Variants in PPARGC1B observed in about 807,000 individuals in gnomAD.
PPARGC1B encodes the protein peroxisome proliferator-activated receptor gamma coactivator 1-beta.
PPARGC1B carries 34 observed loss-of-function variants against 101.6 expected under a neutral mutation model. The ratio of observed to expected loss-of-function variants is 0.33; its 90% CI spans 0.25 to 0.45. The LOEUF (loss-of-function observed/expected upper bound fraction) is 0.45. Among genes scored for constraint, PPARGC1B ranks in the 20% least tolerant of loss-of-function variants. The pLI, the probability that PPARGC1B is intolerant of heterozygous loss-of-function variation, is 1.00. For missense variants in PPARGC1B, 1,234 were observed against 1,317.6 expected (o/e 0.94, Z 0.98); for synonymous variants, 548 against 539.3 (o/e 1.02, Z -0.22).
At chr5:149,809,403 C>CGTAGATAG (rs1202420149) in intron 1 of PPARGC1B, among the ~76,000 whole-genome samples, 2 of 65,070 alleles carry the variant, frequency 3.1e-5, no homozygotes, top group Non-Finnish European at 6.2e-5. Flanking sequence ...CCATCTCTAC[C>CGTAGATAG]ATAGATAGAT....
At chr5:149,836,063 T>C (rs142726663) in intron 7 of PPARGC1B, among the ~76,000 whole-genome samples, 200 bp from the exon 8 acceptor site, 1 of 151,730 alleles carries the variant, frequency 6.6e-6, no homozygotes, top group Non-Finnish European at 1.5e-5. Context: ...AATTTTTTTG[T>C]ATTTTAGTAG....
rs1466104837 is a variant in PPARGC1B at position 149,842,544 on chromosome 5, A to G, written c.2816+167A>G. ...TGAGAAGGACCAGAAATGGTAATGCAGTCAGTAATAGCAGCAAACACGTGC... is the reference window on the plus strand; with the variant it reads ...TGAGAAGGACCAGAAATGGTAATGCGGTCAGTAATAGCAGCAAACACGTGC... On this transcript the variant is annotated intron_variant, in intron 10 of 11. Coordinates refer to ENST00000309241, the MANE Select transcript of PPARGC1B (RefSeq NM_133263.4). Among the ~76,000 whole-genome samples, 7 of 152,260 alleles carry G rather than the reference A, an allele frequency of 4.6e-5. No homozygotes were observed. The highest frequency in any genetic ancestry group is 8.8e-5 in the Non-Finnish European group (6 of 68,044).
intron 1 of PPARGC1B, among the ~76,000 whole-genome samples, chr5:149,803,343 C>T (rs893362072): frequency 2.0e-5 from 3 of 152,176 alleles, no homozygotes; most frequent in African/African-American, 7.2e-5. Context: ...CCTCTCTGAA[C>T]CTCAGCTTTC....
At chr5:149,746,736 A>G (rs959095675) in intron 1 of PPARGC1B, among the ~76,000 whole-genome samples, 2 of 152,080 alleles carry the variant, frequency 1.3e-5, no homozygotes, top group African/African-American at 2.4e-5. Flanking sequence ...AAGGGTCCCA[A>G]TTTCTCCATA....
rs570071335 is a variant in PPARGC1B, at chr5:149,788,817, A to G, written c.79-31616A>G. ...TGGAAACCATCATTCTGAGCAAACT[A>G]TCGCAAGGACAGAAAACCAAACACT... On this transcript the variant is annotated intron_variant, in intron 1 of 11. Transcript: ENST00000309241. Among the ~76,000 whole-genome samples, 379 of 152,326 alleles carry G rather than the reference A, an allele frequency of 2.5e-3. 1 individual carries two copies. Among genetic ancestry groups the G allele is most frequent in the African/African-American group, 8.6e-3 (357 of 41,552 alleles).
At chr5:149,836,054 A>AT (rs1306035562) in intron 7 of PPARGC1B, among the ~76,000 whole-genome samples, 1 of 149,448 alleles carries the variant, frequency 6.7e-6, no homozygotes, top group African/African-American at 2.5e-5. Context: ...AGCCTGTTTA[A>AT]TTTTTTTGTA....
chr5:149,812,469 A>G (rs1246761196), intron 1 of PPARGC1B, among the ~76,000 whole-genome samples: 1 of 152,174 alleles, frequency 6.6e-6, no homozygotes, highest in Non-Finnish European at 1.5e-5. Flanking sequence ...ATAAGTTATC[A>G]CTTTTTCATT....
intron 1 of PPARGC1B, among the ~76,000 whole-genome samples, chr5:149,748,994 A>G (rs1755189119): frequency 6.6e-6 from 1 of 151,668 alleles, no homozygotes; most frequent in South Asian, 2.1e-4. Flanking sequence ...TGTGGACTGC[A>G]CCGCTCCTCC....
Position 149,834,599 on chromosome 5 carries a change from G to A in PPARGC1B, c.1706-75G>A, listed in dbSNP as rs1210703554. 15 of 1,387,164 alleles carry A rather than the reference G, an allele frequency of 1.1e-5. No homozygotes were observed. In the East Asian group the frequency reaches 3.0e-4, roughly 28 times the overall value. 85.9% of individuals were successfully genotyped at this position (1,387,164 alleles called of 1,614,324 possible). A position where few individuals can be genotyped will look rare whatever the true frequency, so the allele number is the denominator to read the frequency against. ...GTGCTTGGCACCAGTGGAGGCCTAG[G>A]GTCTCCTCCAGAGGGGAAACATCTG... On this transcript the variant is annotated intron_variant, in intron 5 of 11. Coordinates refer to ENST00000309241, the MANE Select transcript of PPARGC1B (RefSeq NM_133263.4).
In PPARGC1B at chr5:149,850,071, A is replaced by C. The variant is rs768913937; in HGVS notation, c.*2513A>C. 6.6e-6 allele frequency: 1 copy of C among 152,204 alleles called. No individual in the cohort carries two copies. The highest frequency in any genetic ancestry group is 2.4e-5 in the African/African-American group (1 of 41,448). The allele number at this position is 152,204 out of a possible 1,614,324, so 9.4% of individuals were successfully genotyped here. A position where few individuals can be genotyped will look rare whatever the true frequency, so the allele number is the denominator to read the frequency against. Reference sequence around the variant, plus strand: ...AGAACACTAGATTCCAAGTCTGGAGAGTTGGGGGAGTCCAGATTCTACCAA... The same window carrying C: ...AGAACACTAGATTCCAAGTCTGGAGCGTTGGGGGAGTCCAGATTCTACCAA... On this transcript the variant is annotated 3_prime_UTR_variant, in exon 12 of 12. Transcript: ENST00000309241.
intron 1 of PPARGC1B, among the ~76,000 whole-genome samples, chr5:149,803,502 C>T (rs1003642938): frequency 6.6e-6 from 1 of 152,110 alleles, no homozygotes; most frequent in Non-Finnish European, 1.5e-5. Flanking sequence ...AGTGGGTTCT[C>T]GTGGTACTTA....
intron 1 of PPARGC1B, among the ~76,000 whole-genome samples, chr5:149,732,077 T>A (rs925701490): frequency 7.4e-6 from 1 of 134,288 alleles, no homozygotes; most frequent in Non-Finnish European, 1.6e-5. Context: ...TGTGTGTGTG[T>A]GCACACGCCG....
At chr5:149,758,908 CTT>C (rs1018495033) in intron 1 of PPARGC1B, among the ~76,000 whole-genome samples, 1 of 152,092 alleles carries the variant, frequency 6.6e-6, no homozygotes, top group Non-Finnish European at 1.5e-5. Flanking sequence ...ATAATCATAT[CTT>C]TTCCTGCTTT....
intron 1 of PPARGC1B, 81 bp from the exon 2 acceptor site, chr5:149,820,352 C>A: frequency 7.3e-7 from 1 of 1,362,110 alleles, no homozygotes; most frequent in Non-Finnish European, 1.0e-6. Context: ...TCCAGATTAG[C>A]TGCATCATTA....
chr5:149,811,278 G>A (rs1221883122), intron 1 of PPARGC1B, among the ~76,000 whole-genome samples: 1 of 152,220 alleles, frequency 6.6e-6, no homozygotes, highest in South Asian at 2.1e-4. Flanking sequence ...TTGTCAAGCA[G>A]TCTGAGTGCT....
chr5:149,833,502 C>T lies in PPARGC1B; in HGVS notation c.1429C>T (p.Arg477Trp), dbSNP rs147757452. 2.0e-5 allele frequency: 31 copies of T among 1,564,348 alleles called. No individual in the cohort carries two copies. Among genetic ancestry groups the T allele is most frequent in the Middle Eastern group, 1.7e-4 (1 of 5,972 alleles). ...RKLESSVCPV[R>W]RSRRLNPELG... ...GCTGGAGAGCTCTGTGTGCCCCGTG[C>T]GGCGTTCTCGGAGACTGAACCCTGA... The change falls in exon 5 of 12, where the codon CGG (arginine) becomes TGG (tryptophan). Residue 477 changes from arginine to tryptophan, a missense_variant. Physicochemically the swap from Arg to Trp is moderately radical, Grantham distance 101. Transcript: ENST00000309241. The surrounding 1 kb of genome is among the most constrained non-coding windows in gnomAD (Gnocchi z 4.1).
chr5:149,757,272 C>T (rs561238984), intron 1 of PPARGC1B, among the ~76,000 whole-genome samples: 6 of 150,570 alleles, frequency 4.0e-5, no homozygotes, highest in African/African-American at 7.2e-5. Flanking sequence ...GCTTGTCATT[C>T]GTCATAAAGT....
At position 149,847,510 on chromosome 5, in the gene PPARGC1B, C is replaced by T. The variant is rs1478650436; in HGVS notation, c.3024C>T (p.Ala1008=). ...CGTCAGGGAAAAGCAAGTATGAAGC[C>T]ATGGATTTTGACAGCTTACTGAAAG... ...LPASGKSKYE[A]MDFDSLLKEA... Residue 1008 remains alanine, a synonymous_variant, in exon 12 of 12, where the codon GCC becomes GCT. Coordinates refer to ENST00000309241, the MANE Select transcript of PPARGC1B (RefSeq NM_133263.4). 6.2e-7 allele frequency: 1 copy of T among 1,614,130 alleles called. No individual in the cohort carries two copies. Among genetic ancestry groups the T allele is most frequent in the South Asian group, 1.1e-5 (1 of 91,080 alleles).
chr5:149,846,492 G>A (rs1759563996), intron 11 of PPARGC1B: 1 of 155,812 alleles, frequency 6.4e-6, no homozygotes, highest in Non-Finnish European at 1.4e-5. Context: ...AAATTAGCCA[G>A]GCATGGTGGC....
Sources: allele counts gnomAD v4.1 joint callset (sites outside exome capture counted in the v4.1 genomes callset), GRCh38; gene constraint gnomAD v4.1.1; non-coding constraint Gnocchi (gnomAD v3.1); transcripts MANE v1.5; gene names NCBI Gene and HGNC (gene_info 2026-07-23, HGNC 2026-07-21).